Variants in AFF1 observed in about 807,000 individuals in gnomAD.
AFF1 encodes the protein ALF transcription elongation factor 1.
AFF1 carries 48 observed loss-of-function variants against 121.7 expected under a neutral mutation model. The observed-to-expected ratio is 0.39, with a 90% CI of 0.31 to 0.50. The LOEUF is 0.50. AFF1 is among the 20% of genes least tolerant of loss of function. The pLI, the probability that AFF1 is intolerant of heterozygous loss-of-function variation, is 0.76. For missense variants in AFF1, 1,523 were observed against 1,511.7 expected, an observed-to-expected ratio of 1.01 and a Z score of -0.12; for synonymous variants, 613 against 563.0, an observed-to-expected ratio of 1.09 and a Z score of -1.26.
At chr4:87,134,446 T>G (rs1560666554) in intron 19 of AFF1, 25 bp from the exon 20 acceptor site, 2 of 1,556,820 alleles carry the variant, frequency 1.3e-6, no homozygotes, top group Non-Finnish European at 1.7e-6. Context: ...GACTGATCAG[T>G]TATCTCTTCT....
At chr4:87,032,134 A>C (rs140913319) in intron 2 of AFF1, among the ~76,000 whole-genome samples, 7 of 152,342 alleles carry the variant, frequency 4.6e-5, no homozygotes, top group Middle Eastern at 3.4e-3. Flanking sequence ...GCAGAAAAAC[A>C]ATGACTTACT....
intron 4 of AFF1, among the ~76,000 whole-genome samples, chr4:87,079,131 C>T (rs1207793234): frequency 6.6e-6 from 1 of 151,920 alleles, no homozygotes; most frequent in African/African-American, 2.4e-5. Flanking sequence ...AGCACATTGC[C>T]TTTGTGCTCT....
At chr4:86,984,027 A>T (rs1292237279) in intron 2 of AFF1, among the ~76,000 whole-genome samples, 2 of 151,746 alleles carry the variant, frequency 1.3e-5, no homozygotes, top group Non-Finnish European at 2.9e-5. Context: ...ACAGAGCGAG[A>T]CTCCATCTCA....
At chr4:87,097,407 C>G (rs1724984280) in intron 8 of AFF1, among the ~76,000 whole-genome samples, 1 of 152,184 alleles carries the variant, frequency 6.6e-6, no homozygotes, top group African/African-American at 2.4e-5. Flanking sequence ...TTCAGACTTT[C>G]AGAGACAGAC....
intron 2 of AFF1, among the ~76,000 whole-genome samples, chr4:87,021,616 C>A (rs1175398173): frequency 6.6e-6 from 1 of 152,056 alleles, no homozygotes; most frequent in Admixed American, 6.5e-5. Context: ...TCTTTAGAAT[C>A]TTTTTTTGTA....
intron 4 of AFF1, among the ~76,000 whole-genome samples, chr4:87,057,122 A>C (rs1292451975): frequency 6.6e-6 from 1 of 151,942 alleles, no homozygotes. Context: ...AGCACTTTGC[A>C]CTCTGGTGAA....
intron 2 of AFF1, among the ~76,000 whole-genome samples, chr4:86,991,786 C>A (rs973238711): frequency 1.4e-5 from 2 of 145,592 alleles, no homozygotes; most frequent in African/African-American, 2.5e-5. Context: ...GAAAATAAAT[C>A]AACAAATTAA....
At chr4:87,060,577 G>A (rs1046286871) in intron 4 of AFF1, among the ~76,000 whole-genome samples, 7 of 152,164 alleles carry the variant, frequency 4.6e-5, no homozygotes, top group South Asian at 4.2e-4. Flanking sequence ...GGTGGCTGAC[G>A]CCTGTAATCC....
chr4:87,034,414 A>C (rs1729360991), intron 2 of AFF1, among the ~76,000 whole-genome samples: 1 of 152,206 alleles, frequency 6.6e-6, no homozygotes, highest in South Asian at 2.1e-4. Context: ...CTTGCATTTA[A>C]AATTCTCTCT....
chr4:86,960,012 C>CTT (rs764443293), intron 2 of AFF1, among the ~76,000 whole-genome samples: 1 of 152,088 alleles, frequency 6.6e-6, no homozygotes, highest in Non-Finnish European at 1.5e-5. Flanking sequence ...GGCCCTGACT[C>CTT]TTTTCACATC....
At chr4:87,083,975 A>G in intron 4 of AFF1, 145 bp from the exon 5 acceptor site, 1 of 704,786 alleles carries the variant, frequency 1.4e-6, no homozygotes, top group Non-Finnish European at 2.5e-6. Flanking sequence ...CATGTTGCCC[A>G]GGCTTCAAAT....
At chr4:87,030,222 G>C (rs1728935416) in intron 2 of AFF1, among the ~76,000 whole-genome samples, 1 of 152,102 alleles carries the variant, frequency 6.6e-6, no homozygotes, top group African/African-American at 2.4e-5. Context: ...GGACCAGATG[G>C]TAAATATTTT....
At chr4:87,048,940 G>T (rs564970818) in intron 4 of AFF1, among the ~76,000 whole-genome samples, 1 of 152,238 alleles carries the variant, frequency 6.6e-6, no homozygotes, top group South Asian at 2.1e-4. Flanking sequence ...GGGGTAGGCA[G>T]CTGAATGAAG....
intron 2 of AFF1, among the ~76,000 whole-genome samples, chr4:86,963,392 A>G (rs893356727): frequency 6.6e-6 from 1 of 152,120 alleles, no homozygotes; most frequent in Non-Finnish European, 1.5e-5. Context: ...ACTAGGAACT[A>G]GGGAGAGGGG....
chr4:87,071,149 G>C (rs942349294), intron 4 of AFF1, among the ~76,000 whole-genome samples: 9 of 150,362 alleles, frequency 6.0e-5, no homozygotes, highest in Non-Finnish European at 1.3e-4. Context: ...TAGTTTTCCA[G>C]TGACTTTTAA....
intron 2 of AFF1, among the ~76,000 whole-genome samples, chr4:86,993,856 C>T (rs768948554): frequency 2.6e-5 from 4 of 152,162 alleles, no homozygotes; most frequent in South Asian, 4.2e-4. Flanking sequence ...TCCAGCTACT[C>T]GGGAGGCTAA....
intron 2 of AFF1, among the ~76,000 whole-genome samples, chr4:86,970,381 G>GA (rs1722858952): frequency 6.6e-6 from 1 of 152,128 alleles, no homozygotes; most frequent in African/African-American, 2.4e-5. Context: ...AATGTTATTT[G>GA]AAAAAATGAA....
At chr4:87,071,213 G>A (rs1246056219) in intron 4 of AFF1, among the ~76,000 whole-genome samples, 3 of 145,966 alleles carry the variant, frequency 2.1e-5, no homozygotes, top group African/African-American at 5.1e-5. Flanking sequence ...CTAGGTTAGT[G>A]TAGGAAAAAA....
At chr4:87,127,516 CCTT>C (rs1445055322) in intron 15 of AFF1, 124 bp from the exon 16 acceptor site, 6 of 818,876 alleles carry the variant, frequency 7.3e-6, no homozygotes, top group African/African-American at 3.5e-5. Context: ...TTCCACTTCT[CCTT>C]CTTTGTTTAC....
Sources: allele counts gnomAD v4.1 joint callset (sites outside exome capture counted in the v4.1 genomes callset), GRCh38; gene constraint gnomAD v4.1.1; transcripts MANE v1.5; gene names NCBI Gene and HGNC (gene_info 2026-07-23, HGNC 2026-07-21).